The following TOX3 variants were observed in gnomAD, a reference collection of about 807,000 sequenced individuals.
The protein encoded by TOX3 is CAG trinucleotide repeat-containing gene F9 protein.
Under a neutral mutation model 64.3 loss-of-function variants are expected in TOX3, and 22 were observed. The observed-to-expected ratio is 0.34, with a 90% CI of 0.24 to 0.49. TOX3 has a LOEUF of 0.49. TOX3 is among the 20% of genes least tolerant of loss of function. The pLI is 0.99. For synonymous variants in TOX3, 291 were observed against 273.6 expected, an observed-to-expected ratio of 1.06 and a Z score of -0.63; for missense variants, 661 against 714.4, an observed-to-expected ratio of 0.93 and a Z score of 0.85.
intron 3 of TOX3, among the ~76,000 whole-genome samples, chr16:52,454,872 T>G (rs770748030): frequency 6.6e-6 from 1 of 152,204 alleles, no homozygotes; most frequent in Non-Finnish European, 1.5e-5. Flanking sequence ...AGAATAATTT[T>G]TATATACTCC....
At chr16:52,509,316 T>C (rs1241639203) in intron 1 of TOX3, among the ~76,000 whole-genome samples, 1 of 152,210 alleles carries the variant, frequency 6.6e-6, no homozygotes, top group Non-Finnish European at 1.5e-5. Flanking sequence ...CATAATATAA[T>C]TAGTTTCTAT....
At chr16:52,490,083 A>AT (rs927186689) in intron 1 of TOX3, among the ~76,000 whole-genome samples, 4 of 152,120 alleles carry the variant, frequency 2.6e-5, no homozygotes, top group Non-Finnish European at 4.4e-5. Context: ...ATATGATGTG[A>AT]TTTTTTAACG....
At chr16:52,486,961 A>AG (rs371261516) in intron 1 of TOX3, among the ~76,000 whole-genome samples, 1 of 152,142 alleles carries the variant, frequency 6.6e-6, no homozygotes, top group African/African-American at 2.4e-5. Context: ...AATTTTTAAA[A>AG]GAAAAAAAGT....
At chr16:52,540,947 C>T (rs1289243274) in intron 1 of TOX3, among the ~76,000 whole-genome samples, 1 of 152,142 alleles carries the variant, frequency 6.6e-6, no homozygotes, top group South Asian at 2.1e-4. Flanking sequence ...TGGTTTATGC[C>T]ACCATTTGTT....
intron 1 of TOX3, among the ~76,000 whole-genome samples, chr16:52,521,896 G>A (rs1467881765): frequency 6.6e-6 from 1 of 152,292 alleles, no homozygotes; most frequent in African/African-American, 2.4e-5. Flanking sequence ...TGTGGGTAAC[G>A]AGCACAGTCT....
At chr16:52,450,171 C>T in intron 4 of TOX3, 106 bp downstream of exon 4, 1 of 1,371,858 alleles carries the variant, frequency 7.3e-7, no homozygotes, top group Non-Finnish European at 1.0e-6. Flanking sequence ...AAATGCTACT[C>T]CAAATCCATG....
Position 52,450,349 on chromosome 16 carries a change from A to T in TOX3, c.606T>A (p.Pro202=), listed in dbSNP as rs1960296435. 1 of 1,613,916 alleles carries T rather than the reference A, an allele frequency of 6.2e-7. No individual in the cohort carries two copies. The highest frequency in any genetic ancestry group is 2.2e-5 in the East Asian group (1 of 44,854). ...AGGGAGTGGCTGATTTGCTTGCTGG[A>T]GGTGAAGGAGATGTGTGAGGCATAC... The part of the protein sequence containing the change: ...GASMPHTSPS[P]PASKSATPSP... Residue 202 remains proline, a synonymous_variant, in exon 4 of 7, where the codon CCT becomes CCA. Transcript: ENST00000219746.
At chr16:52,457,492 TAG>T (rs1960555350) in intron 3 of TOX3, among the ~76,000 whole-genome samples, 1 of 152,164 alleles carries the variant, frequency 6.6e-6, no homozygotes, top group Non-Finnish European at 1.5e-5. Context: ...CCAAATATAT[TAG>T]AGTGTGACTA....
intron 1 of TOX3, among the ~76,000 whole-genome samples, chr16:52,495,883 T>C (rs1961836507): frequency 6.6e-6 from 1 of 152,192 alleles, no homozygotes; most frequent in African/African-American, 2.4e-5. Context: ...TTTTCTTCCG[T>C]TTATTCTCAC....
chr16:52,464,269 G>A, intron 2 of TOX3, 81 bp from the exon 3 acceptor site: 1 of 1,356,844 alleles, frequency 7.4e-7, no homozygotes, highest in Non-Finnish European at 9.6e-7. Flanking sequence ...GAAAGACATT[G>A]CATGAAAACA....
intron 1 of TOX3, among the ~76,000 whole-genome samples, chr16:52,484,351 GT>G (rs1816874922): frequency 6.6e-6 from 1 of 152,106 alleles, no homozygotes; most frequent in Non-Finnish European, 1.5e-5. Flanking sequence ...ACCATATCCA[GT>G]TTGACAGAAT....
chr16:52,493,686 G>A (rs957881299), intron 1 of TOX3, among the ~76,000 whole-genome samples: 3 of 151,830 alleles, frequency 2.0e-5, no homozygotes, highest in Non-Finnish European at 2.9e-5. Flanking sequence ...TAAAAACACC[G>A]CCTAGTTTAA....
intron 1 of TOX3, among the ~76,000 whole-genome samples, chr16:52,490,887 C>T (rs1961664467): frequency 1.3e-5 from 2 of 151,982 alleles, no homozygotes; most frequent in Admixed American, 1.3e-4. Flanking sequence ...CCTCAGCCTC[C>T]CAAAATGCCA....
At chr16:52,505,277 G>A (rs571705879) in intron 1 of TOX3, among the ~76,000 whole-genome samples, 12 of 152,170 alleles carry the variant, frequency 7.9e-5, no homozygotes, top group Non-Finnish European at 1.6e-4. Context: ...AAGAATCAAC[G>A]CAATCAAATC....
At chr16:52,486,355 T>C (rs572949718) in intron 1 of TOX3, among the ~76,000 whole-genome samples, 1 of 152,278 alleles carries the variant, frequency 6.6e-6, no homozygotes, top group Admixed American at 6.5e-5. Flanking sequence ...ATTAATAATG[T>C]TGAATGCTGC....
intron 1 of TOX3, among the ~76,000 whole-genome samples, chr16:52,478,804 T>A (rs1961290643): frequency 6.6e-6 from 1 of 152,146 alleles, no homozygotes; most frequent in Non-Finnish European, 1.5e-5. Context: ...TATATGGGAC[T>A]GGGCTTTGCA....
At chr16:52,505,921 A>C (rs935243002) in intron 1 of TOX3, among the ~76,000 whole-genome samples, 12 of 152,194 alleles carry the variant, frequency 7.9e-5, no homozygotes, top group African/African-American at 2.2e-4. Flanking sequence ...GGCTGTAGTG[A>C]GCCATGATCA....
chr16:52,490,575 A>C (rs912123270), intron 1 of TOX3, among the ~76,000 whole-genome samples: 1 of 150,224 alleles, frequency 6.7e-6, no homozygotes, highest in Non-Finnish European at 1.5e-5. Flanking sequence ...TTTTAAATTG[A>C]AAAGTATTCT....
chr16:52,477,786 GT>G (rs1446514334), intron 1 of TOX3, among the ~76,000 whole-genome samples: 2 of 152,184 alleles, frequency 1.3e-5, no homozygotes, highest in African/African-American at 4.8e-5. Flanking sequence ...CATCACAGGG[GT>G]TTTGAGGATT....
Sources: allele counts gnomAD v4.1 joint callset (sites outside exome capture counted in the v4.1 genomes callset), GRCh38; gene constraint gnomAD v4.1.1; transcripts MANE v1.5; gene names NCBI Gene and HGNC (gene_info 2026-07-23, HGNC 2026-07-21).